The following DLG2 variants were observed in gnomAD, a reference collection of about 807,000 sequenced individuals.
DLG2 encodes the protein disks large homolog 2.
DLG2 carries 45 observed loss-of-function variants against 132.5 expected under a neutral mutation model. That is an observed-to-expected ratio of 0.34 (90% CI 0.27 to 0.44). The LOEUF (loss-of-function observed/expected upper bound fraction) is 0.44. DLG2 is among the 20% of genes least tolerant of loss of function. The probability of loss-of-function intolerance (pLI) is 1.00; values close to 1 mark genes in which losing one functional copy is unlikely to be tolerated. For missense variants in DLG2, 1,045 were observed against 1,196.9 expected, an observed-to-expected ratio of 0.87 and a Z score of 1.87; for synonymous variants, 424 against 419.6, an observed-to-expected ratio of 1.01 and a Z score of -0.13.
chr11:84,090,840 C>T (rs966264886), intron 10 of DLG2, among the ~76,000 whole-genome samples: 3 of 152,100 alleles, frequency 2.0e-5, no homozygotes, highest in African/African-American at 4.8e-5. Context: ...ATTTAAAATG[C>T]TCATAAACTG....
intron 15 of DLG2, among the ~76,000 whole-genome samples, chr11:83,890,070 C>T (rs1023811433): frequency 6.6e-6 from 1 of 151,922 alleles, no homozygotes; most frequent in African/African-American, 2.4e-5. Context: ...TGTAACTAAC[C>T]TGCACATTGT....
intron 18 of DLG2, among the ~76,000 whole-genome samples, chr11:83,691,408 C>G (rs536061122): frequency 5.3e-5 from 8 of 152,284 alleles, no homozygotes; most frequent in African/African-American, 1.7e-4. Context: ...AACAAAAGTA[C>G]AATTCACTCA....
rs956564977 is a variant in DLG2, at chr11:84,918,378, T to C, written c.357+193283A>G. Among the ~76,000 whole-genome samples, 6 of 152,118 alleles carry C rather than the reference T, an allele frequency of 3.9e-5. No homozygotes were observed. In the East Asian group the frequency reaches 1.2e-3, roughly 29 times the overall value. On this transcript the variant is annotated intron_variant, in intron 6 of 27. Coordinates refer to ENST00000376104, the MANE Select transcript of DLG2 (RefSeq NM_001142699.3). Reference sequence around the variant, plus strand: ...CAAAGGAGAGATAAAGCACTGGAGTTAGTGTGACTGGGTTCCAGTTCTTCG... The same window carrying C: ...CAAAGGAGAGATAAAGCACTGGAGTCAGTGTGACTGGGTTCCAGTTCTTCG...
intron 7 of DLG2, among the ~76,000 whole-genome samples, chr11:84,453,461 C>A (rs186924161): frequency 1.2e-3 from 175 of 151,518 alleles, no homozygotes; most frequent in Admixed American, 1.9e-3. Flanking sequence ...AAATGGGAAC[C>A]AGATAAAAGA....
intron 3 of DLG2, among the ~76,000 whole-genome samples, chr11:85,549,086 A>G (rs972883779): frequency 1.3e-5 from 2 of 152,110 alleles, no homozygotes; most frequent in Admixed American, 1.3e-4. Flanking sequence ...ACAGCCGCCC[A>G]GTTTTGTGCT....
At chr11:83,595,116 A>G (rs572801514) in intron 19 of DLG2, among the ~76,000 whole-genome samples, 7 of 139,050 alleles carry the variant, frequency 5.0e-5, no homozygotes, top group Non-Finnish European at 1.1e-4. Context: ...TACAAGCAAT[A>G]AATCTATTTA....
At chr11:84,979,325 A>T (rs1197196857) in intron 6 of DLG2, among the ~76,000 whole-genome samples, 1 of 152,224 alleles carries the variant, frequency 6.6e-6, no homozygotes, top group African/African-American at 2.4e-5. Flanking sequence ...CCAAAGGATT[A>T]TAAGTCATGC....
intron 5 of DLG2, among the ~76,000 whole-genome samples, chr11:85,130,776 CATCCCAAGTGCA>C (rs1364593623): frequency 3.9e-5 from 6 of 152,146 alleles, no homozygotes; most frequent in African/African-American, 1.4e-4. Context: ...AGAGCAAGGG[CATCCCAAGTGCA>C]TGGCCACTTG....
intron 16 of DLG2, among the ~76,000 whole-genome samples, chr11:83,848,034 C>T (rs1161276583): frequency 1.3e-5 from 2 of 151,642 alleles, no homozygotes; most frequent in East Asian, 3.9e-4. Flanking sequence ...TTCCTTTCCT[C>T]TAGCTCTTTC....
At chr11:85,053,447 A>G (rs1305816021) in intron 6 of DLG2, among the ~76,000 whole-genome samples, 1 of 152,030 alleles carries the variant, frequency 6.6e-6, no homozygotes, top group African/African-American at 2.4e-5. Flanking sequence ...CATATAGTAT[A>G]AACTTTATCC....
intron 14 of DLG2, among the ~76,000 whole-genome samples, chr11:83,936,395 C>T (rs771362894): frequency 7.2e-5 from 11 of 152,164 alleles, no homozygotes; most frequent in Non-Finnish European, 1.5e-4. Context: ...CTCTAACGCC[C>T]GATTTGTACC....
At chr11:84,594,098 G>A (rs1453746005) in intron 6 of DLG2, among the ~76,000 whole-genome samples, 1 of 152,124 alleles carries the variant, frequency 6.6e-6, no homozygotes, top group Non-Finnish European at 1.5e-5. Context: ...GAATGGTTGA[G>A]AGAAGACTTT....
intron 6 of DLG2, among the ~76,000 whole-genome samples, chr11:84,896,620 A>G (rs2090219567): frequency 1.3e-5 from 2 of 152,060 alleles, no homozygotes; most frequent in African/African-American, 4.8e-5. Context: ...TGAAAACAGC[A>G]TAAACAGAGA....
rs573459452 is a variant in DLG2 at position 84,400,636 on chromosome 11, A to G, written c.519+133934T>C. Among the ~76,000 whole-genome samples the G allele has an allele frequency of 3.3e-5, 5 of 152,322 alleles. No homozygotes were observed. The East Asian group carries it at 9.6e-4, about 29-fold the overall frequency. On this transcript the variant is annotated intron_variant, in intron 7 of 27. Transcript: ENST00000376104. Reference sequence around the variant, plus strand: ...AATTGCTTTATCACCAAAAGTGCAGACCAGAATTGGAAACTAAGTTTCCTT... The same window carrying G: ...AATTGCTTTATCACCAAAAGTGCAGGCCAGAATTGGAAACTAAGTTTCCTT...
At chr11:83,761,696 C>T (rs1320175838) in intron 18 of DLG2, among the ~76,000 whole-genome samples, 1 of 152,102 alleles carries the variant, frequency 6.6e-6, no homozygotes, top group Non-Finnish European at 1.5e-5. Context: ...TCTCTAATCC[C>T]CCTGTGCTTC....
At chr11:84,199,915 G>GA (rs1161483820) in intron 8 of DLG2, among the ~76,000 whole-genome samples, 5 of 151,970 alleles carry the variant, frequency 3.3e-5, no homozygotes, top group Middle Eastern at 3.4e-3. Flanking sequence ...CAAGTTTGAT[G>GA]AAAAAAACCA....
chr11:85,082,257 A>T (rs2067330958), intron 6 of DLG2, among the ~76,000 whole-genome samples: 1 of 152,136 alleles, frequency 6.6e-6, no homozygotes. Flanking sequence ...TGCTTTTTTT[A>T]AAAAACCTTC....
rs201938122 is a variant in DLG2, at chr11:85,385,971, A to G, written c.41-100606T>C. ...CACGATTAGTTGACGATTCCCTGAG[A>G]TGTCAGAGTTCATCCTCGAGGAGAA... On this transcript the variant is annotated intron_variant, in intron 3 of 27. Coordinates refer to ENST00000376104, the MANE Select transcript of DLG2 (RefSeq NM_001142699.3). Among the ~76,000 whole-genome samples, 5 of 152,324 alleles carry G rather than the reference A, an allele frequency of 3.3e-5. No individual in the cohort carries two copies. The East Asian group carries it at 7.7e-4, about 24-fold the overall frequency.
At chr11:84,738,501 CTT>C (rs990066573) in intron 6 of DLG2, among the ~76,000 whole-genome samples, 1 of 152,032 alleles carries the variant, frequency 6.6e-6, no homozygotes, top group African/African-American at 2.4e-5. Flanking sequence ...TGTTTCATTC[CTT>C]TGTTTCTCAA....
Sources: allele counts gnomAD v4.1 joint callset (sites outside exome capture counted in the v4.1 genomes callset), GRCh38; gene constraint gnomAD v4.1.1; transcripts MANE v1.5; gene names NCBI Gene and HGNC (gene_info 2026-07-23, HGNC 2026-07-21).